Variants in GLRA2 observed in about 807,000 individuals in gnomAD.
GLRA2 encodes the protein glycine receptor subunit alpha-2.
Under a neutral mutation model 31.6 loss-of-function variants are expected in GLRA2, and 11 were observed. The ratio of observed to expected loss-of-function variants is 0.35; its 90% CI spans 0.22 to 0.58. The LOEUF is 0.58. Ranked by LOEUF, GLRA2 falls within the 20% of genes least tolerant of loss-of-function variation. GLRA2 has a pLI of 0.84. For synonymous variants in GLRA2, 132 were observed against 134.0 expected (o/e 0.99, Z 0.10); for missense variants, 212 against 351.8 (o/e 0.60, Z 3.18).
rs201898575 is a variant in GLRA2 at position 14,646,398 on chromosome X, CTAATT to C, written c.930+37198_930+37202del. On this transcript the variant is annotated intron_variant, in intron 7 of 8. Coordinates refer to ENST00000218075, the MANE Select transcript of GLRA2 (RefSeq NM_002063.4). ...TTTACCTGATTAATATTTTAATTAA[CTAATT>C]TAATCAAACAACAAATGAGGCAGGG... 6.2e-3 allele frequency among the ~76,000 whole-genome samples: 693 copies of C among 112,091 alleles called. 5 individuals are homozygous for C. Among genetic ancestry groups the C allele is most frequent in the Non-Finnish European group, 8.3e-3 (444 of 53,226 alleles).
chrX:14,695,005 T>C (rs1025489590), intron 8 of GLRA2, among the ~76,000 whole-genome samples: 6 of 112,107 alleles, frequency 5.4e-5, no homozygotes, highest in African/African-American at 1.6e-4. Flanking sequence ...CAGATGCCCA[T>C]GAGACATCTC....
intron 8 of GLRA2, among the ~76,000 whole-genome samples, chrX:14,724,833 CAT>C (rs757133325): frequency 5.4e-5 from 6 of 111,059 alleles, no homozygotes; most frequent in South Asian, 3.8e-4. Context: ...CATTTCAGCA[CAT>C]GTCATTAAGC....
chrX:14,496,651 T>G, the GLRA2 span, among the ~76,000 whole-genome samples: 1 of 112,266 alleles, frequency 8.9e-6, no homozygotes, highest in Non-Finnish European at 1.9e-5. Context: ...AACTGTTTTC[T>G]AGATTCTTCA....
At chrX:14,666,615 G>A (rs1015190575) in intron 7 of GLRA2, among the ~76,000 whole-genome samples, 6 of 111,780 alleles carry the variant, frequency 5.4e-5, no homozygotes, top group Non-Finnish European at 1.1e-4. Flanking sequence ...TCTAATGGCC[G>A]GATAGAAGTA....
At chrX:14,560,503 C>T (rs1343294285) in intron 2 of GLRA2, among the ~76,000 whole-genome samples, 1 of 111,419 alleles carries the variant, frequency 9.0e-6, no homozygotes, top group Non-Finnish European at 1.9e-5. Context: ...GAATCCATCA[C>T]AATGCTTTTC....
chrX:14,506,509 G>A, the GLRA2 span, among the ~76,000 whole-genome samples: 45 of 111,379 alleles, frequency 4.0e-4, no homozygotes, highest in South Asian at 7.7e-4. Flanking sequence ...TGTTCCTAGG[G>A]GACTGAACAT....
At chrX:14,630,737 T>C (rs1315134116) in intron 7 of GLRA2, among the ~76,000 whole-genome samples, 1 of 110,044 alleles carries the variant, frequency 9.1e-6, no homozygotes, top group Non-Finnish European at 1.9e-5. Flanking sequence ...CTCACAGTTA[T>C]GAAGGCTGCA....
chrX:14,456,069 G>A, the GLRA2 span, among the ~76,000 whole-genome samples: 53 of 111,403 alleles, frequency 4.8e-4, no homozygotes, highest in South Asian at 1.5e-3. Flanking sequence ...TTTCCTAGAC[G>A]ATATGATAAC....
chrX:14,551,535 C>A (rs1367474892), intron 2 of GLRA2, among the ~76,000 whole-genome samples: 1 of 111,242 alleles, frequency 9.0e-6, no homozygotes, highest in Non-Finnish European at 1.9e-5. Context: ...GATACAGGGA[C>A]TACTTCCTCC....
chrX:14,546,135 C>T (rs2089476526), intron 2 of GLRA2, among the ~76,000 whole-genome samples: 1 of 111,420 alleles, frequency 9.0e-6, no homozygotes, highest in Non-Finnish European at 1.9e-5. Flanking sequence ...CATTTCATTT[C>T]CTAGAATCCG....
At chrX:14,458,132 T>G in the GLRA2 span, among the ~76,000 whole-genome samples, 1 of 110,826 alleles carries the variant, frequency 9.0e-6, no homozygotes, top group Non-Finnish European at 1.9e-5. Flanking sequence ...TTTGGTTTCT[T>G]GTCCTTGTGA....
chrX:14,484,061 T>C, the GLRA2 span, among the ~76,000 whole-genome samples: 2 of 111,665 alleles, frequency 1.8e-5, no homozygotes, highest in East Asian at 5.6e-4. Context: ...ATGTGGGACC[T>C]TGTGATCATG....
chrX:14,715,673 A>G (rs756784233), intron 8 of GLRA2, among the ~76,000 whole-genome samples: 4 of 111,546 alleles, frequency 3.6e-5, no homozygotes, highest in Non-Finnish European at 7.5e-5. Context: ...GACTTGAAGG[A>G]GTTTACCAGG....
At chrX:14,492,098 G>C in the GLRA2 span, among the ~76,000 whole-genome samples, 1 of 110,375 alleles carries the variant, frequency 9.1e-6, no homozygotes, top group East Asian at 2.8e-4. Flanking sequence ...ATAGCCTGAG[G>C]AGAATGAGTG....
rs765770810 is a variant in GLRA2, at chrX:14,617,466, TA to T, written c.930+8263del. On this transcript the variant is annotated intron_variant, in intron 7 of 8. Coordinates refer to ENST00000218075, the MANE Select transcript of GLRA2 (RefSeq NM_002063.4). The stretch of plus-strand genomic sequence containing the variant: ...CCCTCCCTGTGTCTACACCCTTGGG[TA>T]ATAGCTTCCTCTTACATTGACTGTA... 3.2e-3 allele frequency among the ~76,000 whole-genome samples: 364 copies of T among 112,087 alleles called. 4 individuals are homozygous for T. Among genetic ancestry groups the T allele is most frequent in the African/African-American group, 0.011 (346 of 30,900 alleles).
the GLRA2 span, among the ~76,000 whole-genome samples, chrX:14,522,706 T>A: frequency 8.9e-6 from 1 of 112,089 alleles, no homozygotes; most frequent in East Asian, 2.8e-4. Flanking sequence ...TCCTTTTACA[T>A]CTCCATCAGA....
chrX:14,590,966 G>A (rs975535057), intron 4 of GLRA2, among the ~76,000 whole-genome samples: 4 of 111,716 alleles, frequency 3.6e-5, no homozygotes, highest in African/African-American at 1.3e-4. Context: ...GAGCTGTGGT[G>A]TGGAGGGGCT....
At chrX:14,713,121 C>G (rs180779278) in intron 8 of GLRA2, among the ~76,000 whole-genome samples, 272 of 111,939 alleles carry the variant, frequency 2.4e-3, no homozygotes, top group African/African-American at 8.2e-3. Context: ...CGATAAAGAT[C>G]TAGAGAATTT....
the GLRA2 span, among the ~76,000 whole-genome samples, chrX:14,503,424 A>T: frequency 9.0e-6 from 1 of 111,610 alleles, no homozygotes. Flanking sequence ...AGGGTACCAC[A>T]ATTGGGGAAG....
Sources: allele counts gnomAD v4.1 joint callset (sites outside exome capture counted in the v4.1 genomes callset), GRCh38; gene constraint gnomAD v4.1.1; transcripts MANE v1.5; gene names NCBI Gene and HGNC (gene_info 2026-07-23, HGNC 2026-07-21).